CNTN3: variants seen among roughly 807,000 people sequenced by gnomAD.
The protein encoded by CNTN3 is contactin 3, also known as contactin-3.
In CNTN3, 60 loss-of-function variants were observed where a neutral mutation model predicts 119.1. That is an observed-to-expected ratio of 0.50 (90% CI 0.41 to 0.62). CNTN3 has a LOEUF of 0.62. CNTN3 is among the 20% of genes least tolerant of loss of function. The pLI is 0.00. For missense variants in CNTN3, 1,101 were observed against 1,242.4 expected (o/e 0.89, Z 1.71); for synonymous variants, 450 against 438.7 (o/e 1.03, Z -0.32).
intron 5 of CNTN3, among the ~76,000 whole-genome samples, chr3:74,396,431 T>C (rs1395137390): frequency 1.3e-5 from 2 of 152,174 alleles, no homozygotes; most frequent in Admixed American, 1.3e-4. Context: ...AACATTCCCT[T>C]AAGCCAAAGC....
In CNTN3 at chr3:74,334,822, C is replaced by A. The variant is rs145013741; in HGVS notation, c.1581G>T (p.Pro527=). Residue 527 remains proline, a synonymous_variant, in exon 13 of 23, where the codon CCG becomes CCT. Transcript: ENST00000263665. ...ACCAGGTAAAGATGATGTCTAACAG[C>A]GGGTCATGTTGTACCTGGCAGGGCA... ...VILPCQVQHD[P]LLDIIFTWYF... 2.5e-6 allele frequency: 4 copies of A among 1,613,354 alleles called. No individual in the cohort carries two copies. Among genetic ancestry groups the A allele is most frequent in the Non-Finnish European group, 2.5e-6 (3 of 1,179,510 alleles).
intron 19 of CNTN3, among the ~76,000 whole-genome samples, chr3:74,290,077 T>G (rs966241983): frequency 6.6e-6 from 1 of 152,218 alleles, no homozygotes; most frequent in Non-Finnish European, 1.5e-5. Context: ...GATGACTTCT[T>G]ATTGACCTAA....
intron 1 of CNTN3, among the ~76,000 whole-genome samples, chr3:74,595,736 C>G (rs796841714): frequency 6.6e-6 from 1 of 152,126 alleles, no homozygotes; most frequent in South Asian, 2.1e-4. Context: ...CAATATCATA[C>G]TGAATGGGCA....
chr3:74,420,962 G>C (rs536856942), intron 5 of CNTN3, among the ~76,000 whole-genome samples: 2 of 152,262 alleles, frequency 1.3e-5, no homozygotes, highest in Admixed American at 1.3e-4. Flanking sequence ...CAAGGCACTA[G>C]GCATTGGCTG....
chr3:74,434,485 C>T lies in CNTN3; in HGVS notation c.359-9545G>A, dbSNP rs1303840425. On this transcript the variant is annotated intron_variant, in intron 4 of 22. Transcript: ENST00000263665. Reference sequence around the variant, plus strand: ...CTCATGCCCAACTTTTCTGAACACTCGCTCTACTGCCCACCCCCAGAGGTC... The same window carrying T: ...CTCATGCCCAACTTTTCTGAACACTTGCTCTACTGCCCACCCCCAGAGGTC... Among the ~76,000 whole-genome samples, 6 of 152,186 alleles carry T rather than the reference C, an allele frequency of 3.9e-5. No homozygotes were observed. In the East Asian group the frequency reaches 9.6e-4, roughly 24 times the overall value.
intron 19 of CNTN3, among the ~76,000 whole-genome samples, chr3:74,290,237 G>A (rs1043409007): frequency 3.9e-5 from 6 of 152,142 alleles, no homozygotes; most frequent in African/African-American, 7.2e-5. Flanking sequence ...ATGGTGTAGC[G>A]TAGTGCTCCT....
intron 1 of CNTN3, among the ~76,000 whole-genome samples, chr3:74,539,103 T>C (rs1390622547): frequency 6.6e-6 from 1 of 152,168 alleles, no homozygotes; most frequent in African/African-American, 2.4e-5. Context: ...AGATATTTTC[T>C]TTCCACCCTA....
At chr3:74,437,764 A>G (rs1701895567) in intron 4 of CNTN3, among the ~76,000 whole-genome samples, 1 of 151,622 alleles carries the variant, frequency 6.6e-6, no homozygotes, top group Non-Finnish European at 1.5e-5. Context: ...TTTTTTTCCC[A>G]TTTTTGTGGC....
chr3:74,288,502 G>A (rs982291589), intron 19 of CNTN3, among the ~76,000 whole-genome samples: 22 of 151,948 alleles, frequency 1.4e-4, no homozygotes, highest in Non-Finnish European at 2.1e-4. Context: ...AACACATTCC[G>A]TACAGCTGTT....
intron 4 of CNTN3, among the ~76,000 whole-genome samples, chr3:74,476,737 A>T (rs957953727): frequency 6.6e-6 from 1 of 152,142 alleles, no homozygotes; most frequent in Non-Finnish European, 1.5e-5. Flanking sequence ...ACAGAAACAC[A>T]TGAAAAAGAA....
chr3:74,575,118 T>C (rs969324931), intron 1 of CNTN3, among the ~76,000 whole-genome samples: 4 of 151,928 alleles, frequency 2.6e-5, no homozygotes, highest in Non-Finnish European at 5.9e-5. Flanking sequence ...AGAGACAGGG[T>C]TTCACTATGT....
intron 5 of CNTN3, among the ~76,000 whole-genome samples, chr3:74,420,227 C>A (rs997755307): frequency 6.6e-6 from 1 of 152,206 alleles, no homozygotes; most frequent in Non-Finnish European, 1.5e-5. Flanking sequence ...TCTTCATTGT[C>A]TCCCACCATA....
chr3:74,544,010 G>C (rs1575819165), intron 1 of CNTN3, among the ~76,000 whole-genome samples: 1 of 152,326 alleles, frequency 6.6e-6, no homozygotes, highest in African/African-American at 2.4e-5. Flanking sequence ...ACAAGTTCAA[G>C]TTAAACTTCC....
At chr3:74,295,279 GTTAGT>G in intron 18 of CNTN3, 43 bp from the exon 19 acceptor site, 1 of 1,149,590 alleles carries the variant, frequency 8.7e-7, no homozygotes, top group Admixed American at 1.9e-5. Flanking sequence ...AATTTTGGCA[GTTAGT>G]TTAAAACACA....
intron 13 of CNTN3, among the ~76,000 whole-genome samples, chr3:74,333,917 G>A (rs1703329721): frequency 6.6e-6 from 1 of 152,110 alleles, no homozygotes; most frequent in African/African-American, 2.4e-5. Context: ...TGTCCACCAT[G>A]GACCTCTTTA....
chr3:74,393,120 A>G (rs1368149167), intron 5 of CNTN3, among the ~76,000 whole-genome samples: 2 of 152,212 alleles, frequency 1.3e-5, no homozygotes, highest in Admixed American at 1.3e-4. Context: ...CTTATCTTCT[A>G]TCCCAGTAAT....
At chr3:74,334,112 C>G (rs1206768582) in intron 13 of CNTN3, among the ~76,000 whole-genome samples, 1 of 152,176 alleles carries the variant, frequency 6.6e-6, no homozygotes, top group Non-Finnish European at 1.5e-5. Context: ...GTAAATCTTT[C>G]TAATGTGGAA....
intron 11 of CNTN3, among the ~76,000 whole-genome samples, chr3:74,341,358 A>G (rs539052063): frequency 6.6e-6 from 1 of 152,286 alleles, no homozygotes; most frequent in African/African-American, 2.4e-5. Context: ...CTTTCTGAGA[A>G]CAGGTTTATC....
intron 4 of CNTN3, among the ~76,000 whole-genome samples, chr3:74,464,371 G>C (rs1702423894): frequency 6.6e-6 from 1 of 152,084 alleles, no homozygotes; most frequent in Non-Finnish European, 1.5e-5. Context: ...TAGAACCCAA[G>C]CTAATATATT....
Sources: allele counts gnomAD v4.1 joint callset (sites outside exome capture counted in the v4.1 genomes callset), GRCh38; gene constraint gnomAD v4.1.1; transcripts MANE v1.5; gene names NCBI Gene and HGNC (gene_info 2026-07-23, HGNC 2026-07-21).